The following SYT1 variants were observed in gnomAD, a reference collection of about 807,000 sequenced individuals.
SYT1 encodes synaptotagmin 1.
SYT1 carries 8 observed loss-of-function variants against 44.8 expected under a neutral mutation model. The observed-to-expected ratio is 0.18, with a 90% confidence interval of 0.10 to 0.32. The LOEUF (loss-of-function observed/expected upper bound fraction) is 0.32, where lower values mean the gene tolerates loss of function less well. SYT1 is among the 10% of genes least tolerant of loss of function. SYT1 has a pLI of 1.00. For synonymous variants in SYT1, 154 were observed against 188.8 expected, an observed-to-expected ratio of 0.82 and a Z score of 1.51; for missense variants, 286 against 509.3, an observed-to-expected ratio of 0.56 and a Z score of 4.22.
At chr12:79,319,008 G>A (rs1881229524) in intron 8 of SYT1, among the ~76,000 whole-genome samples, 1 of 152,064 alleles carries the variant, frequency 6.6e-6, no homozygotes, top group South Asian at 2.1e-4. Flanking sequence ...ATTTAACTTA[G>A]AATCAGAGGA....
At chr12:79,178,605 T>G (rs190245592) in intron 3 of SYT1, among the ~76,000 whole-genome samples, 6 of 152,024 alleles carry the variant, frequency 3.9e-5, no homozygotes, top group Non-Finnish European at 5.9e-5. Flanking sequence ...TACTGCAATA[T>G]TATTTTTCTA....
In SYT1 at chr12:79,285,973, T is replaced by A. The variant is rs1365470764; in HGVS notation, c.351+2T>A. On this transcript the variant is annotated splice_donor_variant, in intron 5 of 10. Transcript: ENST00000261205. LOFTEE classifies it high-confidence loss of function. The stretch of plus-strand genomic sequence containing the variant: ...TTAGGGAAGACGATGAAAGATCAGG[T>A]AATGTATTCTTTCTACATTTCTTCT... The A allele has an allele frequency of 6.3e-7, 1 of 1,595,896 alleles. No individual in the cohort carries two copies. Among genetic ancestry groups the A allele is most frequent in the Non-Finnish European group, 8.5e-7 (1 of 1,175,952 alleles).
At chr12:78,914,883 T>C (rs527763646) in intron 1 of SYT1, among the ~76,000 whole-genome samples, 1 of 152,144 alleles carries the variant, frequency 6.6e-6, no homozygotes, top group South Asian at 2.1e-4. Flanking sequence ...CAGACAATTA[T>C]AATACAAAAG....
chr12:79,044,270 G>A (rs1343659557), intron 2 of SYT1, among the ~76,000 whole-genome samples: 1 of 152,170 alleles, frequency 6.6e-6, no homozygotes, highest in Non-Finnish European at 1.5e-5. Flanking sequence ...ACACCAGTCA[G>A]ACGTAGACTT....
At position 79,349,897 on chromosome 12, in the gene SYT1, T is replaced by C. The variant is rs146242009; in HGVS notation, c.811-3605T>C. ...ATGTAAAACTGTTCATATAAAACTA[T>C]TGGGTTCTTCTAATTCTTCTATGTT... On this transcript the variant is annotated intron_variant, in intron 8 of 10. Transcript: ENST00000261205. Among the ~76,000 whole-genome samples, 216 of 152,282 alleles carry C rather than the reference T, an allele frequency of 1.4e-3. 1 individual carries two copies. Among genetic ancestry groups the C allele is most frequent in the African/African-American group, 4.9e-3 (204 of 41,564 alleles).
At chr12:79,094,116 T>C (rs1221661517) in intron 3 of SYT1, among the ~76,000 whole-genome samples, 1 of 151,788 alleles carries the variant, frequency 6.6e-6, no homozygotes, top group African/African-American at 2.4e-5. Flanking sequence ...GGAAATGATC[T>C]AATTATTTAA....
intron 8 of SYT1, among the ~76,000 whole-genome samples, chr12:79,349,658 G>T (rs1356975111): frequency 6.6e-6 from 1 of 152,122 alleles, no homozygotes; most frequent in Non-Finnish European, 1.5e-5. Flanking sequence ...GATATGACTT[G>T]GGTATCTTCT....
intron 2 of SYT1, chr12:79,045,617 G>C (rs1382306287): frequency 1.3e-5 from 2 of 152,890 alleles, no homozygotes; most frequent in Non-Finnish European, 2.9e-5. Context: ...AGACAGCACT[G>C]TTCCTATTCG....
intron 9 of SYT1, among the ~76,000 whole-genome samples, chr12:79,380,029 C>G (rs928592431): frequency 6.6e-6 from 1 of 152,146 alleles, no homozygotes; most frequent in African/African-American, 2.4e-5. Flanking sequence ...CTAAAACCCC[C>G]TTTCCAGAAA....
intron 2 of SYT1, among the ~76,000 whole-genome samples, chr12:79,016,779 C>G (rs1871834694): frequency 6.6e-6 from 1 of 152,042 alleles, no homozygotes; most frequent in Admixed American, 6.6e-5. Flanking sequence ...TGCATTTGGT[C>G]TCCCATTCAG....
At chr12:79,125,418 C>T (rs890650387) in intron 3 of SYT1, among the ~76,000 whole-genome samples, 5 of 145,290 alleles carry the variant, frequency 3.4e-5, no homozygotes, top group African/African-American at 1.0e-4. Flanking sequence ...CAAGACCAGC[C>T]TGGGAAACAT....
intron 3 of SYT1, among the ~76,000 whole-genome samples, chr12:79,147,061 G>C (rs763285958): frequency 1.3e-5 from 2 of 152,028 alleles, no homozygotes; most frequent in African/African-American, 2.4e-5. Flanking sequence ...GGCTGGTCTC[G>C]AACTCCTCAC....
chr12:79,021,568 A>G (rs539843437), intron 2 of SYT1, among the ~76,000 whole-genome samples: 1 of 151,972 alleles, frequency 6.6e-6, no homozygotes, highest in African/African-American at 2.4e-5. Flanking sequence ...TTATAGCATT[A>G]TGAAAAATAA....
chr12:79,117,344 G>A (rs776375211), intron 3 of SYT1, among the ~76,000 whole-genome samples: 3 of 151,936 alleles, frequency 2.0e-5, no homozygotes, highest in Non-Finnish European at 4.4e-5. Flanking sequence ...ACAATGCTCC[G>A]TGTTAAATTC....
At chr12:79,178,088 T>C (rs1360758413) in intron 3 of SYT1, among the ~76,000 whole-genome samples, 1 of 152,116 alleles carries the variant, frequency 6.6e-6, no homozygotes, top group African/African-American at 2.4e-5. Context: ...TTGTTGCCAT[T>C]GCTGTAAAAG....
At chr12:79,388,368 G>A (rs780376889) in intron 9 of SYT1, among the ~76,000 whole-genome samples, 3 of 152,002 alleles carry the variant, frequency 2.0e-5, no homozygotes, top group South Asian at 2.1e-4. Context: ...GCTAATTCAG[G>A]TGAGGGACTA....
intron 9 of SYT1, among the ~76,000 whole-genome samples, chr12:79,362,000 T>C (rs1883332870): frequency 6.6e-6 from 1 of 152,204 alleles, no homozygotes; most frequent in African/African-American, 2.4e-5. Context: ...CAAAATTACA[T>C]ATATAAATAC....
intron 2 of SYT1, among the ~76,000 whole-genome samples, chr12:79,042,615 C>T (rs1479450822): frequency 1.5e-5 from 2 of 132,418 alleles, no homozygotes; most frequent in Admixed American, 7.7e-5. Flanking sequence ...TTTTTTGTGT[C>T]TCTATTTCCT....
Position 78,940,291 on chromosome 12 carries a change from A to G in SYT1, c.-216-37508A>G, listed in dbSNP as rs143968116. On this transcript the variant is annotated intron_variant, in intron 1 of 10. Transcript: ENST00000261205. ...CCTGATTTCAATTCCCTATTCCAACATTATATTTCTCTTTATACCATTCTT... is the reference window on the plus strand; with the variant it reads ...CCTGATTTCAATTCCCTATTCCAACGTTATATTTCTCTTTATACCATTCTT... Among the ~76,000 whole-genome samples, 22 of 152,322 alleles carry G rather than the reference A, an allele frequency of 1.4e-4. No individual in the cohort carries two copies. The East Asian group carries it at 4.2e-3, about 29-fold the overall frequency.
Sources: gnomAD v4.1 joint callset for allele counts (sites outside exome capture counted in the v4.1 genomes callset) on GRCh38, gnomAD v4.1.1 for gene constraint, MANE v1.5 for transcripts, NCBI Gene and HGNC (gene_info 2026-07-23, HGNC 2026-07-21) for gene names.